The following COL4A2 variants were observed in gnomAD, a reference collection of about 807,000 sequenced individuals.
COL4A2 encodes collagen type IV alpha 2 chain, also known as collagen alpha-2(IV) chain.
Under a neutral mutation model 200.2 loss-of-function variants are expected in COL4A2, and 99 were observed. The ratio of observed to expected loss-of-function variants is 0.49; its 90% CI spans 0.42 to 0.58. The LOEUF (loss-of-function observed/expected upper bound fraction) is 0.58, where lower values mean the gene tolerates loss of function less well. COL4A2 is among the 20% of genes least tolerant of loss of function. The pLI, the probability that COL4A2 is intolerant of heterozygous loss-of-function variation, is 0.00. For missense variants in COL4A2, 1,950 were observed against 2,314.1 expected, an observed-to-expected ratio of 0.84 and a Z score of 3.23; for synonymous variants, 897 against 900.6, an observed-to-expected ratio of 1.00 and a Z score of 0.07.
chr13:110,455,631 G>A (rs559826898), intron 20 of COL4A2, among the ~76,000 whole-genome samples: 1 of 152,322 alleles, frequency 6.6e-6, no homozygotes, highest in Non-Finnish European at 1.5e-5. Flanking sequence ...CTCGCACACA[G>A]CCTGGCACAG....
chr13:110,320,304 G>A (rs142799278), intron 3 of COL4A2, among the ~76,000 whole-genome samples: 19 of 152,308 alleles, frequency 1.2e-4, no homozygotes, highest in African/African-American at 4.3e-4. Context: ...CCCCTGCCGC[G>A]TGGGTGCCAC....
chr13:110,343,857 TAAACTG>T (rs1175153915), intron 3 of COL4A2, among the ~76,000 whole-genome samples: 12 of 152,348 alleles, frequency 7.9e-5, no homozygotes, highest in Admixed American at 6.5e-4. Context: ...ACAGAACTCT[TAAACTG>T]AAGGTACTTC....
chr13:110,452,289 C>T (rs528703105), intron 20 of COL4A2, among the ~76,000 whole-genome samples: 6 of 150,926 alleles, frequency 4.0e-5, no homozygotes, highest in Admixed American at 3.3e-4. Flanking sequence ...CCCGCCACCG[C>T]GCAGCTGGGA....
intron 3 of COL4A2, among the ~76,000 whole-genome samples, chr13:110,332,254 G>T (rs1178705999): frequency 1.3e-5 from 2 of 152,124 alleles, no homozygotes; most frequent in African/African-American, 4.8e-5. Context: ...GCTTTGAAAT[G>T]CATATTGAAA....
At position 110,434,515 on chromosome 13, in the gene COL4A2, C is replaced by A. The variant is rs1243336210; in HGVS notation, c.726+73C>A. Reference sequence around the variant, plus strand: ...GCCAGGAAATAAATCATTTTAATTACTAAGTTCTGTGCTGTAAAACTTTTA... The same window carrying A: ...GCCAGGAAATAAATCATTTTAATTAATAAGTTCTGTGCTGTAAAACTTTTA... On this transcript the variant is annotated intron_variant, in intron 12 of 47. Coordinates refer to ENST00000360467, the MANE Select transcript of COL4A2 (RefSeq NM_001846.4). 2.7e-6 allele frequency: 4 copies of A among 1,482,764 alleles called. No individual in the cohort carries two copies. In the East Asian group the frequency reaches 9.1e-5, roughly 34 times the overall value. The allele number at this position is 1,482,764 out of a possible 1,614,324, so 91.9% of individuals were successfully genotyped here.
chr13:110,339,141 G>A (rs926379929), intron 3 of COL4A2, among the ~76,000 whole-genome samples: 1 of 152,218 alleles, frequency 6.6e-6, no homozygotes, highest in South Asian at 2.1e-4. Flanking sequence ...ATGAACCTCA[G>A]AGATGAAGAG....
chr13:110,375,242 G>A (rs1011509226), intron 4 of COL4A2, among the ~76,000 whole-genome samples: 2 of 152,168 alleles, frequency 1.3e-5, no homozygotes, highest in African/African-American at 2.4e-5. Flanking sequence ...CCCCTTTGCC[G>A]TCGAATTCTG....
chr13:110,468,030 C>G lies in COL4A2; in HGVS notation c.2095+934C>G, dbSNP rs141907085. 7 of 409,296 alleles carry G rather than the reference C, an allele frequency of 1.7e-5. No individual in the cohort carries two copies. In the East Asian group the frequency reaches 4.3e-4, roughly 25 times the overall value. The allele number at this position is 409,296 out of a possible 1,614,324, so 25.4% of individuals were successfully genotyped here. The stretch of plus-strand genomic sequence containing the variant: ...AAGATGAATAGTGCAGACAGGTGTT[C>G]TAGATGCTTCCTGCTGCACAAATCA... On this transcript the variant is annotated intron_variant, in intron 27 of 47. Transcript: ENST00000360467.
At chr13:110,384,369 A>G (rs1878601884) in intron 4 of COL4A2, among the ~76,000 whole-genome samples, 1 of 152,188 alleles carries the variant, frequency 6.6e-6, no homozygotes, top group Non-Finnish European at 1.5e-5. Flanking sequence ...AACCCTCCTT[A>G]AGTATCCAAT....
chr13:110,466,227 A>G lies in COL4A2; in HGVS notation c.2038+165A>G, dbSNP rs1927351. On this transcript the variant is annotated intron_variant, in intron 26 of 47. Coordinates refer to ENST00000360467, the MANE Select transcript of COL4A2 (RefSeq NM_001846.4). ...TGGCCTGGTGAGCACTATACATTGC[A>G]TGAATGACAACCTGGTAGAGACGGA... Among the ~76,000 whole-genome samples the G allele has an allele frequency of 0.6, 90,705 of 152,206 alleles. 27,950 individuals carry two copies. The highest frequency in any genetic ancestry group is 0.73 in the Middle Eastern group (215 of 294).
Position 110,349,231 on chromosome 13 carries a change from A to C in COL4A2, c.100-8241A>C, listed in dbSNP as rs116285684. On this transcript the variant is annotated intron_variant, in intron 3 of 47. Coordinates refer to ENST00000360467, the MANE Select transcript of COL4A2 (RefSeq NM_001846.4). ...TTAAACCTATTTTTTTAGTGTCCTA[A>C]ATATAAGGACCAATCTGCCATGGAG... 7.6e-3 allele frequency among the ~76,000 whole-genome samples: 1,152 copies of C among 152,250 alleles called. 13 individuals carry two copies. The highest frequency in any genetic ancestry group is 0.027 in the African/African-American group (1,122 of 41,532).
chr13:110,386,571 C>T (rs1333114489), intron 4 of COL4A2, among the ~76,000 whole-genome samples: 1 of 152,138 alleles, frequency 6.6e-6, no homozygotes, highest in African/African-American at 2.4e-5. Context: ...GCAACTAGTG[C>T]ACCATATGGA....
chr13:110,454,102 C>G (rs1368300186), intron 20 of COL4A2, among the ~76,000 whole-genome samples: 1 of 152,136 alleles, frequency 6.6e-6, no homozygotes, highest in East Asian at 1.9e-4. Flanking sequence ...ATTTTGCTTC[C>G]CCCTGTTCTA....
At chr13:110,342,986 A>G (rs544185184) in intron 3 of COL4A2, among the ~76,000 whole-genome samples, 1 of 152,150 alleles carries the variant, frequency 6.6e-6, no homozygotes, top group East Asian at 1.9e-4. Flanking sequence ...AAAATTTCAC[A>G]CTCAGGAGAC....
chr13:110,466,940 G>T, intron 26 of COL4A2, 100 bp from the exon 27 acceptor site: 1 of 1,467,594 alleles, frequency 6.8e-7, no homozygotes, highest in Non-Finnish European at 9.4e-7. Context: ...AATGGTAGCC[G>T]GTTTGCACAG....
At chr13:110,481,139 TCCATTGCTGGAGACACACTGTTCTGTCCC>T in intron 31 of COL4A2, among the ~76,000 whole-genome samples, 2 of 25,046 alleles carry the variant, frequency 8.0e-5, no homozygotes, top group Non-Finnish European at 1.6e-4. Context: ...GTTCTGTCCC[TCCATTGCTGGAGACACACTGTTCTGTCCC>T]TCCGTTGCTG....
At chr13:110,436,530 A>G (rs911342445) in intron 13 of COL4A2, among the ~76,000 whole-genome samples, 163 bp downstream of exon 13, 40 of 151,418 alleles carry the variant, frequency 2.6e-4, no homozygotes, top group Admixed American at 2.2e-3. Flanking sequence ...AATGTTTTCA[A>G]CTCTTCCAGA....
intron 39 of COL4A2, among the ~76,000 whole-genome samples, chr13:110,494,828 G>A (rs1405435831): frequency 1.3e-5 from 2 of 152,232 alleles, no homozygotes; most frequent in African/African-American, 4.8e-5. Flanking sequence ...AGGTGAATTT[G>A]TATGTGTGTA....
Position 110,434,319 on chromosome 13 carries a change from G to A in COL4A2, c.685-82G>A, listed in dbSNP as rs572747458. 61 of 1,386,152 alleles carry A rather than the reference G, an allele frequency of 4.4e-5. 1 individual carries two copies. In the South Asian group the frequency reaches 7.7e-4, roughly 17 times the overall value. The allele number at this position is 1,386,152 out of a possible 1,614,324, so 85.9% of individuals were successfully genotyped here. ...AAAGTTGCCGATAAATAGGCCTTGG[G>A]TTTCTTTTTCTAAGAAAAATAATTT... On this transcript the variant is annotated intron_variant, in intron 11 of 47. Coordinates refer to ENST00000360467, the MANE Select transcript of COL4A2 (RefSeq NM_001846.4).
Sources: allele counts gnomAD v4.1 joint callset (sites outside exome capture counted in the v4.1 genomes callset), GRCh38; gene constraint gnomAD v4.1.1; transcripts MANE v1.5; gene names NCBI Gene and HGNC (gene_info 2026-07-23, HGNC 2026-07-21).